C12orf42: variants seen among roughly 807,000 people sequenced by gnomAD.
The protein encoded by C12orf42 is chromosome 12 open reading frame 42, also known as uncharacterized protein C12orf42.
A neutral mutation model predicts 21.6 loss-of-function variants in C12orf42; 25 were observed. The observed-to-expected ratio is 1.16, with a 90% CI of 0.84 to 1.62. C12orf42 has a LOEUF of 1.62. Among genes scored for constraint, C12orf42 ranks in the 40% most tolerant of loss-of-function variants. C12orf42 has a pLI of 0.00. For missense variants in C12orf42, 483 were observed against 459.3 expected (o/e 1.05, Z -0.47); for synonymous variants, 174 against 175.0 (o/e 0.99, Z 0.05).
At chr12:103,415,958 G>C (rs1045129131) in intron 2 of C12orf42, among the ~76,000 whole-genome samples, 1 of 151,302 alleles carries the variant, frequency 6.6e-6, no homozygotes, top group Admixed American at 6.6e-5. Context: ...TTTTCTGTAG[G>C]TTTCCTCATT....
At chr12:103,187,709 C>T in the C12orf42 span, among the ~76,000 whole-genome samples, 1 of 152,116 alleles carries the variant, frequency 6.6e-6, no homozygotes, top group African/African-American at 2.4e-5. Context: ...AAAAAAAAGG[C>T]TGGAATTGTT....
chr12:103,413,517 G>A (rs2049028093), intron 2 of C12orf42, among the ~76,000 whole-genome samples: 1 of 151,836 alleles, frequency 6.6e-6, no homozygotes, highest in African/African-American at 2.4e-5. Context: ...GGGGGAACAG[G>A]TGGTGTTTGG....
At chr12:103,324,496 G>A (rs2040487247) in intron 4 of C12orf42, among the ~76,000 whole-genome samples, 1 of 152,178 alleles carries the variant, frequency 6.6e-6, no homozygotes, top group Non-Finnish European at 1.5e-5. Context: ...CCCCAGGAAT[G>A]AATGCTTGCA....
At chr12:103,202,912 G>T in the C12orf42 span, among the ~76,000 whole-genome samples, 4 of 152,114 alleles carry the variant, frequency 2.6e-5, no homozygotes, top group African/African-American at 9.7e-5. Context: ...CTGGTATTTC[G>T]ATTTGTCATC....
intron 4 of C12orf42, among the ~76,000 whole-genome samples, chr12:103,335,596 C>T (rs1392316882): frequency 6.6e-6 from 1 of 152,192 alleles, no homozygotes; most frequent in Admixed American, 6.5e-5. Context: ...TTGACCTTGG[C>T]CTTCACATTC....
At chr12:103,355,043 C>T (rs941408765) in intron 4 of C12orf42, among the ~76,000 whole-genome samples, 7 of 152,030 alleles carry the variant, frequency 4.6e-5, no homozygotes, top group Admixed American at 3.9e-4. Flanking sequence ...TTACTATGTA[C>T]CCATTACAAA....
chr12:103,533,993 A>G, the C12orf42 span, among the ~76,000 whole-genome samples: 1 of 152,224 alleles, frequency 6.6e-6, no homozygotes, highest in East Asian at 1.9e-4. Context: ...TCATGTGGTC[A>G]TTGTACAAAT....
At chr12:103,449,089 A>AGAT (rs1951765293) in intron 2 of C12orf42, among the ~76,000 whole-genome samples, 1 of 143,942 alleles carries the variant, frequency 6.9e-6, no homozygotes, top group Admixed American at 6.8e-5. Flanking sequence ...TATGATAGAT[A>AGAT]GATAGATAGA....
intron 2 of C12orf42, among the ~76,000 whole-genome samples, chr12:103,426,120 T>C (rs1280521380): frequency 6.6e-6 from 1 of 152,164 alleles, no homozygotes; most frequent in Non-Finnish European, 1.5e-5. Flanking sequence ...CTTGATGAAT[T>C]GACAGAAGTA....
intron 2 of C12orf42, among the ~76,000 whole-genome samples, chr12:103,439,697 A>G (rs998359806): frequency 2.0e-5 from 3 of 151,940 alleles, no homozygotes; most frequent in Admixed American, 6.6e-5. Context: ...GCAAATCAAA[A>G]CCAGAATGAG....
chr12:103,490,392 A>T (rs1955116325), intron 1 of C12orf42, among the ~76,000 whole-genome samples: 1 of 152,226 alleles, frequency 6.6e-6, no homozygotes, highest in Admixed American at 6.5e-5. Context: ...TCTTAAAAAT[A>T]CAAAATCCCC....
chr12:103,058,820 C>T, the C12orf42 span, among the ~76,000 whole-genome samples: 19 of 152,284 alleles, frequency 1.2e-4, no homozygotes, highest in Admixed American at 7.8e-4. Context: ...CTCTTGGACA[C>T]GGCTAAAGCA....
chr12:103,158,132 A>G, the C12orf42 span, among the ~76,000 whole-genome samples: 1 of 152,234 alleles, frequency 6.6e-6, no homozygotes, highest in Non-Finnish European at 1.5e-5. Flanking sequence ...AATGTTTATT[A>G]TACATCACAA....
chr12:103,364,751 T>C (rs1279991087), intron 4 of C12orf42, among the ~76,000 whole-genome samples: 1 of 152,016 alleles, frequency 6.6e-6, no homozygotes, highest in Admixed American at 6.6e-5. Context: ...GATACATTCC[T>C]AGAAATACAC....
chr12:103,084,524 T>C, the C12orf42 span, among the ~76,000 whole-genome samples: 23 of 152,206 alleles, frequency 1.5e-4, no homozygotes, highest in African/African-American at 5.5e-4. Context: ...GATTCAGTTG[T>C]AGATATATAT....
chr12:103,078,043 A>G, the C12orf42 span, among the ~76,000 whole-genome samples: 1 of 152,202 alleles, frequency 6.6e-6, no homozygotes, highest in Non-Finnish European at 1.5e-5. Flanking sequence ...GCCAAAAAAA[A>G]TCTGCTTTAG....
chr12:103,520,206 C>T, the C12orf42 span, among the ~76,000 whole-genome samples: 1 of 152,068 alleles, frequency 6.6e-6, no homozygotes, highest in African/African-American at 2.4e-5. Context: ...AACTCCTGGG[C>T]ACATGTAGTC....
At chr12:103,236,107 T>C (rs1051201173), downstream of C12orf42, among the ~76,000 whole-genome samples, 5 of 152,172 alleles carry the variant, frequency 3.3e-5, no homozygotes, top group African/African-American at 9.6e-5. Flanking sequence ...TATGAACAAA[T>C]AAATTTTATT....
At chr12:103,434,946 C>T (rs1207307546) in intron 2 of C12orf42, among the ~76,000 whole-genome samples, 1 of 152,218 alleles carries the variant, frequency 6.6e-6, no homozygotes, top group Non-Finnish European at 1.5e-5. Flanking sequence ...CCTCGGGGGG[C>T]AGGGCACAGA....
Sources: allele counts gnomAD v4.1 joint callset (sites outside exome capture counted in the v4.1 genomes callset), GRCh38; gene constraint gnomAD v4.1.1; transcripts MANE v1.5; gene names NCBI Gene and HGNC (gene_info 2026-07-23, HGNC 2026-07-21).